SLC37A1: variants seen among roughly 807,000 people sequenced by gnomAD.
SLC37A1 encodes the protein solute carrier family 37 member 1.
A neutral mutation model predicts 75.3 loss-of-function variants in SLC37A1; 49 were observed. The observed-to-expected ratio is 0.65, with a 90% CI of 0.52 to 0.83. The LOEUF is 0.83. SLC37A1 is among the 40% of genes least tolerant of loss of function. The pLI is 0.00. For synonymous variants in SLC37A1, 268 were observed against 292.1 expected, an observed-to-expected ratio of 0.92 and a Z score of 0.84; for missense variants, 566 against 695.0, an observed-to-expected ratio of 0.81 and a Z score of 2.09.
chr21:42,555,796 G>C (rs1365934221), intron 10 of SLC37A1, among the ~76,000 whole-genome samples: 1 of 152,200 alleles, frequency 6.6e-6, no homozygotes, highest in African/African-American at 2.4e-5. Flanking sequence ...TGCCATCAAG[G>C]AGCCAGTTAT....
At chr21:42,530,655 C>CACACACA (rs1491531929) in intron 3 of SLC37A1, among the ~76,000 whole-genome samples, 74 of 25,780 alleles carry the variant, frequency 2.9e-3, no homozygotes, top group Non-Finnish European at 4.6e-3. Flanking sequence ...CACACACACA[C>CACACACA]CCCCTCTGTG....
At chr21:42,513,527 G>A (rs2054462082), upstream of SLC37A1, among the ~76,000 whole-genome samples, 1 of 151,888 alleles carries the variant, frequency 6.6e-6, no homozygotes, top group Admixed American at 6.5e-5. Flanking sequence ...CCTGCCTTGA[G>A]GACAGAGCGC....
At chr21:42,530,937 C>T (rs909112844) in intron 3 of SLC37A1, among the ~76,000 whole-genome samples, 10 of 152,296 alleles carry the variant, frequency 6.6e-5, no homozygotes, top group South Asian at 2.1e-4. Flanking sequence ...ATGGAAAGAA[C>T]GGAGCCTTCA....
At chr21:42,574,046 C>T (rs59199917) in intron 17 of SLC37A1, among the ~76,000 whole-genome samples, 7,577 of 152,246 alleles carry the variant, frequency 0.05, 607 homozygotes, top group African/African-American at 0.17. Context: ...TGCACACACA[C>T]ATATATGCAC....
chr21:42,562,793 C>T (rs1019097201), intron 12 of SLC37A1, among the ~76,000 whole-genome samples: 2 of 84,192 alleles, frequency 2.4e-5, no homozygotes, highest in African/African-American at 7.9e-5. Flanking sequence ...GGGGATGGTC[C>T]AGGAGCACGT....
intron 8 of SLC37A1, among the ~76,000 whole-genome samples, chr21:42,544,186 C>T (rs1183097401): frequency 6.6e-6 from 1 of 152,160 alleles, no homozygotes; most frequent in East Asian, 1.9e-4. Flanking sequence ...TAGAGATGCC[C>T]GGGTGGCCCT....
At chr21:42,564,561 G>C in intron 13 of SLC37A1, 147 bp from the exon 14 acceptor site, 1 of 647,244 alleles carries the variant, frequency 1.5e-6, no homozygotes, top group Middle Eastern at 3.6e-4. Context: ...GGAGGTCAGG[G>C]CTGTGAGAAG....
rs184982171 is a variant in SLC37A1 at position 42,516,198 on chromosome 21, C to G, written c.-179+1481C>G. ...CTTTTTATGTACTTGGGCAGTGTGC[C>G]AAAAACTGGGTTTAAACCAAGTGAT... is the stretch of plus-strand genomic sequence containing the variant. On this transcript the variant is annotated intron_variant, in intron 1 of 19. Coordinates refer to ENST00000352133, the MANE Select transcript of SLC37A1 (RefSeq NM_001320537.2). 3.9e-5 allele frequency among the ~76,000 whole-genome samples: 6 copies of G among 152,250 alleles called. No individual in the cohort carries two copies. The East Asian group carries it at 9.6e-4, about 24-fold the overall frequency.
At chr21:42,528,723 G>T (rs2054864113) in intron 3 of SLC37A1, among the ~76,000 whole-genome samples, 1 of 152,224 alleles carries the variant, frequency 6.6e-6, no homozygotes, top group Admixed American at 6.5e-5. Context: ...CAGCTACTGG[G>T]GAGGCTGAGG....
chr21:42,501,636 C>G (rs756972716), intron 1 of SLC37A1, among the ~76,000 whole-genome samples: 1 of 152,138 alleles, frequency 6.6e-6, no homozygotes, highest in Admixed American at 6.5e-5. Context: ...CGCTTGAACC[C>G]GGGAGGCAGA....
chr21:42,537,109 T>A (rs2055159304), intron 5 of SLC37A1, among the ~76,000 whole-genome samples: 1 of 152,178 alleles, frequency 6.6e-6, no homozygotes. Context: ...CTCAGAGCCC[T>A]GGTGGGTGGT....
At chr21:42,513,253 G>T (rs1157597505), upstream of SLC37A1, among the ~76,000 whole-genome samples, 1 of 152,142 alleles carries the variant, frequency 6.6e-6, no homozygotes, top group Non-Finnish European at 1.5e-5. Flanking sequence ...GCACTGGCCC[G>T]CAAGGGTAAG....
intron 3 of SLC37A1, among the ~76,000 whole-genome samples, chr21:42,528,253 T>G (rs2054851433): frequency 6.6e-6 from 1 of 152,170 alleles, no homozygotes; most frequent in Admixed American, 6.5e-5. Context: ...AGGATAGTGG[T>G]GTTATAAGTG....
rs532691949 is a variant in SLC37A1, at chr21:42,546,984, G to C, written c.731-119G>C. 2.2e-3 allele frequency: 2,539 copies of C among 1,170,872 alleles called. 7 individuals are homozygous for C. Among genetic ancestry groups the C allele is most frequent in the Non-Finnish European group, 2.8e-3 (2,228 of 789,388 alleles). The allele number at this position is 1,170,872 out of a possible 1,614,324, so 72.5% of individuals were successfully genotyped here. A position where few individuals can be genotyped will look rare whatever the true frequency, so the allele number is the denominator to read the frequency against. ...AATCCACTCATTTAATGTGAATCCT[G>C]CATACAGTCCAGTTTCACACCCGGT... On this transcript the variant is annotated intron_variant, in intron 8 of 19. Coordinates refer to ENST00000352133, the MANE Select transcript of SLC37A1 (RefSeq NM_001320537.2).
chr21:42,580,321 CTCT>C, intron 19 of SLC37A1, 21 bp from the exon 20 acceptor site: 3 of 1,611,006 alleles, frequency 1.9e-6, no homozygotes, highest in Non-Finnish European at 2.5e-6. Context: ...GTTAGAGCAG[CTCT>C]TCTTTCAACC....
intron 14 of SLC37A1, among the ~76,000 whole-genome samples, chr21:42,565,038 T>C (rs2055941143): frequency 6.6e-6 from 1 of 152,276 alleles, no homozygotes; most frequent in Non-Finnish European, 1.5e-5. Flanking sequence ...CTCCTCTCTT[T>C]GGGGTGCCCC....
chr21:42,570,027 A>G (rs2056090983), intron 17 of SLC37A1, among the ~76,000 whole-genome samples: 1 of 150,562 alleles, frequency 6.6e-6, no homozygotes, highest in Non-Finnish European at 1.5e-5. Flanking sequence ...TTGCCATGTG[A>G]CACACGGCCT....
chr21:42,561,105 C>CACAT (rs2055817329), intron 11 of SLC37A1, among the ~76,000 whole-genome samples: 1 of 152,228 alleles, frequency 6.6e-6, no homozygotes, highest in African/African-American at 2.4e-5. Flanking sequence ...ATTACACGTA[C>CACAT]ACATCCTCAT....
chr21:42,540,488 T>C (rs1351127071), intron 6 of SLC37A1, among the ~76,000 whole-genome samples: 1 of 151,130 alleles, frequency 6.6e-6, no homozygotes, highest in African/African-American at 2.5e-5. Flanking sequence ...GACTTTGGAG[T>C]TGGGCAGCAG....
Sources: allele counts gnomAD v4.1 joint callset (sites outside exome capture counted in the v4.1 genomes callset), GRCh38; gene constraint gnomAD v4.1.1; transcripts MANE v1.5; gene names NCBI Gene and HGNC (gene_info 2026-07-23, HGNC 2026-07-21).